The following SHROOM2 variants were observed in gnomAD, a reference collection of about 807,000 sequenced individuals.
SHROOM2 encodes protein Shroom2.
Under a neutral mutation model 75.9 loss-of-function variants are expected in SHROOM2, and 33 were observed. That is an observed-to-expected ratio of 0.43 (90% CI 0.33 to 0.58). SHROOM2 has a LOEUF of 0.58. Ranked by LOEUF, SHROOM2 falls within the 20% of genes least tolerant of loss-of-function variation. The pLI is 0.04. For synonymous variants in SHROOM2, 655 were observed against 663.6 expected (o/e 0.99, Z 0.20); for missense variants, 1,434 against 1,461.2 (o/e 0.98, Z 0.30).
Position 9,939,423 on chromosome X carries a change from C to T in SHROOM2, c.4311+57C>T, listed in dbSNP as rs1275948984. 45 of 1,028,020 alleles carry T rather than the reference C, an allele frequency of 4.4e-5. No individual in the cohort carries two copies. The South Asian group carries it at 5.0e-4, about 11-fold the overall frequency. 84.7% of individuals were successfully genotyped at this position (1,028,020 alleles called of 1,213,427 possible). ...GCGTGTCCAGGCAGGGGCAGGCATC[C>T]GGATCACACCATCCTGCCCCAGCGC... On this transcript the variant is annotated intron_variant, in intron 8 of 9. Coordinates refer to ENST00000380913, the MANE Select transcript of SHROOM2 (RefSeq NM_001649.4).
intron 1 of SHROOM2, among the ~76,000 whole-genome samples, chrX:9,796,474 T>C (rs956254481): frequency 4.8e-4 from 53 of 111,109 alleles, no homozygotes; most frequent in African/African-American, 1.7e-3. Flanking sequence ...ATACATCTAA[T>C]GCCCAGCATC....
chrX:9,930,230 A>G (rs1448255931), intron 5 of SHROOM2, among the ~76,000 whole-genome samples: 1 of 111,745 alleles, frequency 8.9e-6, no homozygotes, highest in South Asian at 3.7e-4. Context: ...ACGCTGAAAT[A>G]TTGAGGCTGG....
At chrX:9,882,791 G>A (rs1051706018) in intron 2 of SHROOM2, among the ~76,000 whole-genome samples, 6 of 112,183 alleles carry the variant, frequency 5.3e-5, no homozygotes, top group African/African-American at 9.7e-5. Flanking sequence ...CTGGGCCCTG[G>A]CGTTTGCTTA....
intron 2 of SHROOM2, among the ~76,000 whole-genome samples, chrX:9,874,872 C>T (rs1025897783): frequency 2.8e-5 from 3 of 107,382 alleles, no homozygotes; most frequent in African/African-American, 6.7e-5. Flanking sequence ...GGAGTTCAAT[C>T]GAGACCAGCC....
chrX:9,832,974 G>A (rs1407871875), intron 1 of SHROOM2, among the ~76,000 whole-genome samples: 1 of 111,668 alleles, frequency 9.0e-6, no homozygotes, highest in Non-Finnish European at 1.9e-5. Flanking sequence ...GTTTTCCTGT[G>A]ACTGGGCAGT....
intron 1 of SHROOM2, among the ~76,000 whole-genome samples, chrX:9,847,951 A>G (rs1240685498): frequency 9.0e-6 from 1 of 111,725 alleles, no homozygotes; most frequent in South Asian, 3.7e-4. Flanking sequence ...TGCCCAGGGA[A>G]GGGGAAGATG....
intron 1 of SHROOM2, among the ~76,000 whole-genome samples, chrX:9,794,690 C>T (rs765738505): frequency 1.9e-4 from 21 of 112,062 alleles, no homozygotes; most frequent in African/African-American, 6.5e-4. Context: ...TTTTCTTTAA[C>T]TGACTACTGT....
At chrX:9,882,487 G>A (rs893599639) in intron 2 of SHROOM2, among the ~76,000 whole-genome samples, 5 of 111,254 alleles carry the variant, frequency 4.5e-5, no homozygotes, top group Admixed American at 9.6e-5. Flanking sequence ...CTGGGACAGC[G>A]ATCGTCTTTT....
intron 7 of SHROOM2, 37 bp from the exon 8 acceptor site, chrX:9,939,158 A>C: frequency 8.8e-7 from 1 of 1,142,105 alleles, no homozygotes. Flanking sequence ...TTGCGTGCAC[A>C]GTCCCAGCTC....
chrX:9,949,376 T>TA lies in SHROOM2; in HGVS notation c.*2440dup, dbSNP rs1430205514. 3.1e-6 allele frequency: 1 copy of TA among 326,502 alleles called. No individual in the cohort carries two copies. Among genetic ancestry groups the TA allele is most frequent in the Non-Finnish European group, 5.9e-6 (1 of 168,699 alleles). The allele number at this position is 326,502 out of a possible 1,213,427, so 26.9% of individuals were successfully genotyped here. On this transcript the variant is annotated 3_prime_UTR_variant, in exon 10 of 10. Transcript: ENST00000380913. ...GTGTGTAGATTTCATGCTCGACACTTACCACTCACCTATCAACAGATCATC... is the reference window on the plus strand; with the variant it reads ...GTGTGTAGATTTCATGCTCGACACTTAACCACTCACCTATCAACAGATCATC...
chrX:9,932,761 C>T lies in SHROOM2; in HGVS notation c.3478C>T (p.Arg1160Cys), dbSNP rs748886026. Residue 1160 changes from arginine to cysteine, a missense_variant, in exon 6 of 10, where the codon CGC (arginine) becomes TGC (cysteine). Physicochemically the swap from Arg to Cys is radical, Grantham distance 180. This residue lies in a region of SHROOM2 where 1,340 missense variants were observed against 1,338.3 expected (regional missense o/e 1.00). Coordinates refer to ENST00000380913, the MANE Select transcript of SHROOM2 (RefSeq NM_001649.4). ...GCTCCCTCCCAAGCAGCAGCACCTG[C>T]GCCTGCAGACGGCCACCATGGAGAC... ...ALLPPKQQHL[R>C]LQTATMETSR... 55 of 1,208,939 alleles carry T rather than the reference C, an allele frequency of 4.5e-5. No individual in the cohort carries two copies. The highest frequency in any genetic ancestry group is 5.7e-5 in the Non-Finnish European group (51 of 895,231).
intron 1 of SHROOM2, among the ~76,000 whole-genome samples, chrX:9,846,893 G>A (rs753213303): frequency 8.9e-6 from 1 of 112,024 alleles, no homozygotes; most frequent in African/African-American, 3.2e-5. Context: ...GCTGTTTCAT[G>A]GAGCACGGGG....
intron 1 of SHROOM2, among the ~76,000 whole-genome samples, chrX:9,808,887 G>C (rs1569137987): frequency 9.1e-6 from 1 of 110,451 alleles, no homozygotes; most frequent in Middle Eastern, 4.7e-3. Flanking sequence ...AAAATAAATG[G>C]ATGTAATTCA....
rs190188442 is a variant in SHROOM2 at position 9,944,104 on chromosome X, C to T, written c.4312-537C>T. On this transcript the variant is annotated intron_variant, in intron 8 of 9. Coordinates refer to ENST00000380913, the MANE Select transcript of SHROOM2 (RefSeq NM_001649.4). ...GGCTGAGGCACGAGAATTGCTTGAACCCGGGAGGCCATTGCACTCCAGCCT... is the reference window on the plus strand; with the variant it reads ...GGCTGAGGCACGAGAATTGCTTGAATCCGGGAGGCCATTGCACTCCAGCCT... Among the ~76,000 whole-genome samples, 256 of 111,247 alleles carry T rather than the reference C, an allele frequency of 2.3e-3. 1 individual carries two copies. Among genetic ancestry groups the T allele is most frequent in the Middle Eastern group, 9.3e-3 (2 of 216 alleles).
In SHROOM2 at chrX:9,799,157, C is replaced by CTTTTTTTTTTTT. The variant is rs58508176; in HGVS notation, c.165+12464_165+12475dup. On this transcript the variant is annotated intron_variant, in intron 1 of 9. Coordinates refer to ENST00000380913, the MANE Select transcript of SHROOM2 (RefSeq NM_001649.4). ...GTTTGCCTTTACGGAGAGTTTAATT[C>CTTTTTTTTTTTT]TTTTTTTTTTTTTTTTTTTTTTTTT... 2.4e-4 allele frequency among the ~76,000 whole-genome samples: 15 copies of CTTTTTTTTTTTT among 61,410 alleles called. 5 individuals carry two copies. The highest frequency in any genetic ancestry group is 1.3e-3 in the African/African-American group (15 of 11,340). The allele number at this position is 61,410 out of a possible 115,157, so 53.3% of individuals were successfully genotyped here.
intron 2 of SHROOM2, among the ~76,000 whole-genome samples, chrX:9,879,353 C>T (rs755752446): frequency 8.9e-5 from 10 of 111,983 alleles, no homozygotes; most frequent in African/African-American, 3.2e-4. Flanking sequence ...CTTCGCCACC[C>T]GGGTTCAAGC....
At position 9,815,570 on chromosome X, in the gene SHROOM2, TC is replaced by T. The variant is rs760948228; in HGVS notation, c.165+28862del. Among the ~76,000 whole-genome samples, 172 of 49,672 alleles carry T rather than the reference TC, an allele frequency of 3.5e-3. No individual in the cohort carries two copies. The Middle Eastern group carries it at 0.042, about 12-fold the overall frequency. 43.1% of individuals were successfully genotyped at this position (49,672 alleles called of 115,157 possible). On this transcript the variant is annotated intron_variant, in intron 1 of 9. Coordinates refer to ENST00000380913, the MANE Select transcript of SHROOM2 (RefSeq NM_001649.4). ...ATCCTATATCTATCCTATATCTATA[TC>T]CTATATCTATATCTATATCTATATC... is the stretch of plus-strand genomic sequence containing the variant.
rs746557900 is a variant in SHROOM2 at position 9,859,472 on chromosome X, C to T, written c.166-14180C>T. ...AGAAGCATAAGCTGGTAACTGTCAG[C>T]AGGGTTAGGAGCAGATAGTGGCCAT... On this transcript the variant is annotated intron_variant, in intron 1 of 9. Coordinates refer to ENST00000380913, the MANE Select transcript of SHROOM2 (RefSeq NM_001649.4). 3.6e-5 allele frequency among the ~76,000 whole-genome samples: 4 copies of T among 111,772 alleles called. No homozygotes were observed. The East Asian group carries it at 1.1e-3, about 32-fold the overall frequency.
intron 1 of SHROOM2, among the ~76,000 whole-genome samples, chrX:9,837,363 C>T (rs1042241435): frequency 1.8e-5 from 2 of 112,757 alleles, no homozygotes; most frequent in Non-Finnish European, 3.8e-5. Flanking sequence ...TCTCTCTGAC[C>T]TCAGGAAGTA....
Sources: gnomAD v4.1 joint callset for allele counts (sites outside exome capture counted in the v4.1 genomes callset) on GRCh38, gnomAD v4.1.1 for gene constraint, gnomAD v4.1.1 regional missense constraint, MANE v1.5 for transcripts, NCBI Gene and HGNC (gene_info 2026-07-23, HGNC 2026-07-21) for gene names.